Variants in AK5 observed in about 807,000 individuals in gnomAD.
The protein encoded by AK5 is adenylate kinase isoenzyme 5.
A neutral mutation model predicts 69.5 loss-of-function variants in AK5; 27 were observed. That is an observed-to-expected ratio of 0.39 (90% confidence interval 0.29 to 0.54). AK5 has a LOEUF of 0.54. AK5 is among the 20% of genes least tolerant of loss of function. The probability of loss-of-function intolerance (pLI) is 0.71; values close to 1 mark genes in which losing one functional copy is unlikely to be tolerated. For synonymous variants in AK5, 260 were observed against 244.4 expected (o/e 1.06, Z -0.60); for missense variants, 531 against 700.4 (o/e 0.76, Z 2.73).
chr1:77,472,369 G>C (rs927108160), intron 8 of AK5, among the ~76,000 whole-genome samples: 20 of 152,132 alleles, frequency 1.3e-4, no homozygotes, highest in African/African-American at 4.6e-4. Context: ...TGTAAAACCA[G>C]AATGGGAGAG....
intron 10 of AK5, among the ~76,000 whole-genome samples, chr1:77,515,229 C>T (rs2803166): frequency 0.023 from 3,427 of 152,258 alleles, 102 homozygotes; most frequent in African/African-American, 0.079. Flanking sequence ...CTTAGAGCAG[C>T]TGTATAGATG....
chr1:77,300,890 TA>T (rs1202921641), intron 5 of AK5, among the ~76,000 whole-genome samples: 6 of 152,208 alleles, frequency 3.9e-5, no homozygotes, highest in African/African-American at 9.6e-5. Context: ...GATACAACTA[TA>T]TTTTTTTTAT....
At chr1:77,359,672 G>T (rs138453148) in intron 6 of AK5, among the ~76,000 whole-genome samples, 18 of 152,306 alleles carry the variant, frequency 1.2e-4, no homozygotes, top group Non-Finnish European at 2.5e-4. Context: ...TATGGTATCT[G>T]CAGGAAACCA....
At chr1:77,314,740 T>C (rs1660157574) in intron 5 of AK5, 1 of 152,180 alleles carries the variant, frequency 6.6e-6, no homozygotes. Flanking sequence ...CTAGAACTTA[T>C]TTATTCAATC....
intron 10 of AK5, 147 bp from the exon 11 acceptor site, chr1:77,518,417 C>T: frequency 1.3e-6 from 1 of 792,710 alleles, no homozygotes; most frequent in Non-Finnish European, 2.0e-6. Flanking sequence ...ATCCACCACT[C>T]TCAGCACAGC....
intron 8 of AK5, among the ~76,000 whole-genome samples, chr1:77,460,179 T>G (rs998961288): frequency 6.6e-6 from 1 of 152,214 alleles, no homozygotes; most frequent in African/African-American, 2.4e-5. Context: ...CAATCAATGC[T>G]GATAAAGTGA....
chr1:77,501,189 C>T (rs1373671792), intron 10 of AK5, among the ~76,000 whole-genome samples: 2 of 152,156 alleles, frequency 1.3e-5, no homozygotes, highest in African/African-American at 2.4e-5. Flanking sequence ...AGGGCTATGC[C>T]CCTCGTAGCC....
intron 5 of AK5, among the ~76,000 whole-genome samples, chr1:77,325,797 T>A (rs1329905534): frequency 6.6e-6 from 1 of 151,934 alleles, no homozygotes; most frequent in East Asian, 1.9e-4. Flanking sequence ...TAGCAAATGC[T>A]TAGTAAATGT....
At chr1:77,382,442 C>A (rs914746987) in intron 6 of AK5, among the ~76,000 whole-genome samples, 3 of 152,132 alleles carry the variant, frequency 2.0e-5, no homozygotes, top group Non-Finnish European at 4.4e-5. Flanking sequence ...CCTCAAACTT[C>A]CAGGCTCAAA....
intron 10 of AK5, among the ~76,000 whole-genome samples, chr1:77,515,188 C>T (rs970867252): frequency 2.6e-5 from 4 of 152,192 alleles, no homozygotes; most frequent in Admixed American, 6.5e-5. Flanking sequence ...CCTGACAATA[C>T]TATGAGGGGT....
chr1:77,342,876 C>A (rs1269684103), intron 6 of AK5, among the ~76,000 whole-genome samples: 4 of 149,806 alleles, frequency 2.7e-5, no homozygotes, highest in South Asian at 2.1e-4. Context: ...CTGATTCATT[C>A]ATTTACTCAT....
At chr1:77,410,854 A>G (rs1412452760) in intron 6 of AK5, 127 bp from the exon 7 acceptor site, 4 of 700,446 alleles carry the variant, frequency 5.7e-6, no homozygotes, top group Non-Finnish European at 9.6e-6. Flanking sequence ...TAAAGACTCA[A>G]ATGCTTTAAT....
chr1:77,349,976 C>T (rs759577470), intron 6 of AK5, among the ~76,000 whole-genome samples: 2 of 152,128 alleles, frequency 1.3e-5, no homozygotes, highest in Non-Finnish European at 2.9e-5. Context: ...ATTCATGGCA[C>T]CCTTTTCATC....
intron 8 of AK5, among the ~76,000 whole-genome samples, chr1:77,454,597 G>A (rs1653360001): frequency 6.6e-6 from 1 of 152,114 alleles, no homozygotes; most frequent in Non-Finnish European, 1.5e-5. Context: ...ACTTTCCAAA[G>A]AGAATTAATA....
chr1:77,355,509 T>G (rs1662465081), intron 6 of AK5, among the ~76,000 whole-genome samples: 1 of 152,052 alleles, frequency 6.6e-6, no homozygotes, highest in Non-Finnish European at 1.5e-5. Context: ...AGCTAAGGAC[T>G]TTTCCCTCTC....
chr1:77,368,237 A>T (rs1216708117), intron 6 of AK5, among the ~76,000 whole-genome samples: 6 of 7,850 alleles, frequency 7.6e-4, no homozygotes, highest in African/African-American at 8.6e-4. Context: ...ATATATATAT[A>T]TATATATATA....
intron 6 of AK5, among the ~76,000 whole-genome samples, chr1:77,390,464 T>C (rs1197813241): frequency 6.6e-6 from 1 of 152,230 alleles, no homozygotes; most frequent in Non-Finnish European, 1.5e-5. Flanking sequence ...AAAATGTTAT[T>C]CTGGACACTC....
intron 11 of AK5, among the ~76,000 whole-genome samples, chr1:77,521,605 T>C (rs1455148094): frequency 6.6e-6 from 1 of 151,736 alleles, no homozygotes; most frequent in Non-Finnish European, 1.5e-5. Context: ...ACACTAACAA[T>C]TAAACTATGA....
At chr1:77,318,574 G>A (rs184575656) in intron 5 of AK5, among the ~76,000 whole-genome samples, 1 of 152,202 alleles carries the variant, frequency 6.6e-6, no homozygotes, top group East Asian at 1.9e-4. Flanking sequence ...AATGTCATTA[G>A]GTGCATGAGT....
Sources: allele counts gnomAD v4.1 joint callset (sites outside exome capture counted in the v4.1 genomes callset), GRCh38; gene constraint gnomAD v4.1.1; transcripts MANE v1.5; gene names NCBI Gene and HGNC (gene_info 2026-07-23, HGNC 2026-07-21).